THOC1: variants seen among roughly 807,000 people sequenced by gnomAD.
THOC1 encodes THO complex subunit 1, also known as THO complex 1.
Under a neutral mutation model 97.3 loss-of-function variants are expected in THOC1, and 29 were observed. The ratio of observed to expected loss-of-function variants is 0.30; its 90% CI spans 0.22 to 0.41. The LOEUF (loss-of-function observed/expected upper bound fraction) is 0.41, where lower values mean the gene tolerates loss of function less well. Ranked by LOEUF, THOC1 falls within the 10% of genes least tolerant of loss-of-function variation. The pLI is 1.00. For missense variants in THOC1, 529 were observed against 761.9 expected (o/e 0.69, Z 3.60); for synonymous variants, 255 against 257.0 (o/e 0.99, Z 0.07).
intron 11 of THOC1, among the ~76,000 whole-genome samples, chr18:235,126 T>A (rs1462347681): frequency 6.6e-6 from 1 of 151,196 alleles, no homozygotes; most frequent in Non-Finnish European, 1.5e-5. Flanking sequence ...TCATTAAAAT[T>A]TTCTAAACAA....
intron 17 of THOC1, among the ~76,000 whole-genome samples, chr18:221,874 C>CT (rs1464744198): frequency 6.6e-6 from 1 of 152,126 alleles, no homozygotes; most frequent in African/African-American, 2.4e-5. Flanking sequence ...TCCCAAAGTG[C>CT]TGGGATTACA....
intron 9 of THOC1, among the ~76,000 whole-genome samples, chr18:251,265 C>T (rs529158028): frequency 6.6e-6 from 1 of 152,308 alleles, no homozygotes; most frequent in African/African-American, 2.4e-5. Context: ...GCCACACTAC[C>T]TCTAATGTTT....
intron 17 of THOC1, 21 bp downstream of exon 17, chr18:223,419 T>A (rs1264304302): frequency 6.5e-7 from 1 of 1,545,538 alleles, no homozygotes; most frequent in African/African-American, 1.4e-5. Flanking sequence ...CAACACTTCA[T>A]TTGAAAAATG....
At chr18:259,822 A>C (rs1186302539) in intron 5 of THOC1, 92 bp from the exon 6 acceptor site, 4 of 871,354 alleles carry the variant, frequency 4.6e-6, no homozygotes, top group Non-Finnish European at 7.0e-6. Context: ...AAAGAACACT[A>C]ACATGCACTG....
rs1489684793 is a variant in THOC1 at position 214,776 on chromosome 18, G to A, written c.1824C>T (p.Asp608=). The stretch of plus-strand genomic sequence containing the variant: ...GGAGCTGCTTAGCTCTCATCTTCAT[G>A]TCTTCACTGTCACACTCAATCTGCC... The part of the protein sequence containing the change: ...EIRQIECDSE[D]MKMRAKQLLV... The change falls in exon 21 of 21, where the codon GAC becomes GAT. Residue 608 remains aspartate, a synonymous_variant. Transcript: ENST00000261600. 2 of 1,613,862 alleles carry A rather than the reference G, an allele frequency of 1.2e-6. No individual in the cohort carries two copies. Among genetic ancestry groups the A allele is most frequent in the South Asian group, 2.2e-5 (2 of 91,076 alleles).
intron 16 of THOC1, among the ~76,000 whole-genome samples, chr18:223,860 G>C (rs1369228967): frequency 1.3e-5 from 2 of 152,090 alleles, no homozygotes; most frequent in Non-Finnish European, 2.9e-5. Flanking sequence ...GGAAAAAATG[G>C]CACAGCCTAG....
At chr18:243,537 CA>C (rs928367020) in intron 11 of THOC1, among the ~76,000 whole-genome samples, 6 of 146,750 alleles carry the variant, frequency 4.1e-5, no homozygotes, top group African/African-American at 1.5e-4. Flanking sequence ...AACTCCGTCT[CA>C]AAAAAAAATA....
chr18:249,657 G>A lies in THOC1; in HGVS notation c.678-1700C>T, dbSNP rs200806331. Among the ~76,000 whole-genome samples the A allele has an allele frequency of 1.7e-4, 23 of 136,990 alleles. No homozygotes were observed. The East Asian group carries it at 4.5e-3, about 27-fold the overall frequency. The allele number at this position is 136,990 out of a possible 152,430, so 89.9% of individuals were successfully genotyped here. A position where few individuals can be genotyped will look rare whatever the true frequency, so the allele number is the denominator to read the frequency against. On this transcript the variant is annotated intron_variant, in intron 9 of 20. Coordinates refer to ENST00000261600, the MANE Select transcript of THOC1 (RefSeq NM_005131.3). Reference sequence around the variant, plus strand: ...AGCCTGGGTGACAGAGCGAGACTCCGTCTCAAAAAAGAAAAAAAAAAAAGC... The same window carrying A: ...AGCCTGGGTGACAGAGCGAGACTCCATCTCAAAAAAGAAAAAAAAAAAAGC...
intron 5 of THOC1, 70 bp from the exon 6 acceptor site, chr18:259,800 G>C: frequency 8.1e-7 from 1 of 1,229,700 alleles, no homozygotes; most frequent in Non-Finnish European, 1.1e-6. Context: ...TAAGTTGCCA[G>C]AGTGAAATAT....
At position 252,281 on chromosome 18, in the gene THOC1, T is replaced by C. The variant is rs969591675; in HGVS notation, c.677+258A>G. Reference sequence around the variant, plus strand: ...GGGGAGGAGCTCCTAAGGCTGCCTGTGGTTGGCTTTTCAAATGCTGGGATT... The same window carrying C: ...GGGGAGGAGCTCCTAAGGCTGCCTGCGGTTGGCTTTTCAAATGCTGGGATT... On this transcript the variant is annotated intron_variant, in intron 9 of 20. Coordinates refer to ENST00000261600, the MANE Select transcript of THOC1 (RefSeq NM_005131.3). Among the ~76,000 whole-genome samples, 5 of 152,326 alleles carry C rather than the reference T, an allele frequency of 3.3e-5. No individual in the cohort carries two copies. In the East Asian group the frequency reaches 7.7e-4, roughly 24 times the overall value.
chr18:222,986 G>A (rs1207873052), intron 17 of THOC1, among the ~76,000 whole-genome samples: 2 of 151,672 alleles, frequency 1.3e-5, no homozygotes, highest in African/African-American at 2.4e-5. Context: ...TTAAGTCATC[G>A]TTTCTAACTC....
At chr18:214,946 TA>T in intron 20 of THOC1, 25 bp from the exon 21 acceptor site, 1 of 1,607,880 alleles carries the variant, frequency 6.2e-7, no homozygotes, top group Non-Finnish European at 8.5e-7. Context: ...GAATATAAAT[TA>T]TGCGCAATTC....
chr18:214,872 T>C lies in THOC1; in HGVS notation c.1728A>G (p.Val576=). The change falls in exon 21 of 21, where the codon GTA becomes GTG. Residue 576 remains valine, a synonymous_variant. Coordinates refer to ENST00000261600, the MANE Select transcript of THOC1 (RefSeq NM_005131.3). ...ATTGTTCACCCAGCTTGTTGGCAAA[T>C]ACCTCTATTTGTTCTCCTGTTACAG... ...DKPVTGEQIE[V]FANKLGEQWK... The C allele has an allele frequency of 6.2e-7, 1 of 1,613,950 alleles. No homozygotes were observed. The highest frequency in any genetic ancestry group is 8.5e-7 in the Non-Finnish European group (1 of 1,179,860).
At chr18:267,496 G>C (rs71361489) in intron 1 of THOC1, among the ~76,000 whole-genome samples, 6,097 of 152,326 alleles carry the variant, frequency 0.04, 146 homozygotes, top group Middle Eastern at 0.075. Flanking sequence ...GATCGCTTAG[G>C]AGTTAGACAC....
At chr18:243,913 T>C (rs1911997620) in intron 11 of THOC1, among the ~76,000 whole-genome samples, 1 of 152,200 alleles carries the variant, frequency 6.6e-6, no homozygotes, top group African/African-American at 2.4e-5. Context: ...TCTATACTTG[T>C]TATTACTGAC....
chr18:215,444 G>A lies in THOC1; in HGVS notation c.1663C>T (p.Leu555=). ...CAGTTCTTACTTTCATTTTCCTTCA[G>A]TAGAGCATCATTATCTTCCTCATCT... ...DEDEEDNDAL[L]KENESPDVRR... is the part of the protein sequence containing the mutation. Residue 555 remains leucine (L), a synonymous_variant, in exon 20 of 21, where the codon CTG becomes TTG. Coordinates refer to ENST00000261600, the MANE Select transcript of THOC1 (RefSeq NM_005131.3). The A allele has an allele frequency of 8.1e-6, 13 of 1,613,392 alleles. No homozygotes were observed. The highest frequency in any genetic ancestry group is 1.1e-5 in the Non-Finnish European group (13 of 1,179,482).
In THOC1 at chr18:265,522, G is replaced by A; in HGVS notation, c.63C>T (p.Thr21=). 1 of 1,576,528 alleles carries A rather than the reference G, an allele frequency of 6.3e-7. No homozygotes were observed. The highest frequency in any genetic ancestry group is 2.3e-5 in the East Asian group (1 of 44,188). ...TGTTTTTGTTGTTCAAGGCCTCTCTGGTAGACTTCTAAAAAAAAATTAAAA... is the reference window on the plus strand; with the variant it reads ...TGTTTTTGTTGTTCAAGGCCTCTCTAGTAGACTTCTAAAAAAAAATTAAAA... ...PEARTRFTKS[T]REALNNKNIK... is the part of the protein sequence containing the mutation. Residue 21 remains threonine (T), a synonymous_variant, in exon 2 of 21, where the codon ACC becomes ACT. Transcript: ENST00000261600.
chr18:217,087 C>T (rs1194939150), intron 18 of THOC1, among the ~76,000 whole-genome samples: 3 of 152,310 alleles, frequency 2.0e-5, no homozygotes, highest in South Asian at 2.1e-4. Flanking sequence ...AAAGATAATG[C>T]GTCAGAAATA....
rs756443918 is a variant in THOC1 at position 225,005 on chromosome 18, CAAAG to C, written c.1138-15_1138-12del. 33 of 1,568,040 alleles carry C rather than the reference CAAAG, an allele frequency of 2.1e-5. No individual in the cohort carries two copies. The African/African-American group carries it at 4.3e-4, about 21-fold the overall frequency. On this transcript the variant is annotated splice_polypyrimidine_tract_variant and intron_variant, in intron 14 of 20. Coordinates refer to ENST00000261600, the MANE Select transcript of THOC1 (RefSeq NM_005131.3). ...AGTGTTTAATATATGCTGGGAAAAA[CAAAG>C]CGATTACATTTTGGTTAGTGGAATC...
Sources: gnomAD v4.1 joint callset for allele counts (sites outside exome capture counted in the v4.1 genomes callset) on GRCh38, gnomAD v4.1.1 for gene constraint, MANE v1.5 for transcripts, NCBI Gene and HGNC (gene_info 2026-07-23, HGNC 2026-07-21) for gene names.